Variants in HSPA8 observed in about 807,000 individuals in gnomAD.
HSPA8 encodes the protein heat shock cognate 71 kDa protein.
In HSPA8, 2 loss-of-function variants were observed where a neutral mutation model predicts 52.8. The ratio of observed to expected loss-of-function variants is 0.04; its 90% CI spans 0.02 to 0.12. The LOEUF is 0.12. HSPA8 is among the 10% of genes least tolerant of loss of function. HSPA8 has a pLI of 1.00. For synonymous variants in HSPA8, 436 were observed against 274.0 expected, an observed-to-expected ratio of 1.59 and a Z score of -5.84; for missense variants, 349 against 800.5, an observed-to-expected ratio of 0.44 and a Z score of 6.81.
At chr11:123,061,413 A>C in intron 1 of HSPA8, 84 bp from the exon 2 acceptor site, 1 of 1,067,450 alleles carries the variant, frequency 9.4e-7, no homozygotes, top group Non-Finnish European at 1.4e-6. Context: ...AACCAGGAAA[A>C]ACGTATGGCC....
intron 1 of HSPA8, 133 bp from the exon 2 acceptor site, chr11:123,061,462 A>G: frequency 1.4e-6 from 1 of 695,944 alleles, no homozygotes; most frequent in Non-Finnish European, 2.5e-6. Context: ...CTCCTGTCTA[A>G]GCACGCGCGA....
At chr11:123,060,290 C>CAG in intron 3 of HSPA8, 22 bp from the exon 4 acceptor site, 1 of 1,609,464 alleles carries the variant, frequency 6.2e-7, no homozygotes, top group Non-Finnish European at 8.5e-7. Context: ...GAAAAGACCA[C>CAG]AGATTGGTAA....
chr11:123,060,100 C>T lies in HSPA8; in HGVS notation c.564+16G>A, dbSNP rs1465085061. On this transcript the variant is annotated intron_variant, in intron 4 of 8. Coordinates refer to ENST00000534624, the MANE Select transcript of HSPA8 (RefSeq NM_006597.6). Reference sequence around the variant, plus strand: ...ATCTTAAAATAATCCGAACTTGCATCACAAATGGTACATACCTTTTTGTCT... The same window carrying T: ...ATCTTAAAATAATCCGAACTTGCATTACAAATGGTACATACCTTTTTGTCT... 1.2e-6 allele frequency: 2 copies of T among 1,614,090 alleles called. No individual in the cohort carries two copies. The highest frequency in any genetic ancestry group is 1.1e-5 in the South Asian group (1 of 91,074).
At chr11:123,061,081 CTGTTA>C (rs1392171377) in intron 2 of HSPA8, 34 bp downstream of exon 2, 16 of 1,554,830 alleles carry the variant, frequency 1.0e-5, no homozygotes, top group East Asian at 2.2e-5. Context: ...CTTCCTAGCC[CTGTTA>C]TATTTGTTCT....
In HSPA8 at chr11:123,058,235, A is replaced by AAAT. The variant is rs1865373463; in HGVS notation, c.1755+16_1755+17insATT. ...CCATTGAGTGGGGGAGGAAAAAAAA[A>AAAT]AAAAAAAAACACAAACCTGATTCTT... is the stretch of plus-strand genomic sequence containing the variant. On this transcript the variant is annotated intron_variant, in intron 8 of 8. Transcript: ENST00000534624. 3.4e-6 allele frequency: 5 copies of AAAT among 1,486,402 alleles called. No homozygotes were observed. In the East Asian group the frequency reaches 1.1e-4, roughly 34 times the overall value. The allele number at this position is 1,486,402 out of a possible 1,614,324, so 92.1% of individuals were successfully genotyped here.
In HSPA8 at chr11:123,059,672, A is replaced by G. The variant is rs143373443; in HGVS notation, c.921T>C (p.Ala307=). 3.3e-5 allele frequency: 53 copies of G among 1,614,148 alleles called. No individual in the cohort carries two copies. The African/African-American group carries it at 4.0e-4, about 12-fold the overall frequency. ...GGTCCAGGGTGCCACGGAACAGGTC[A>G]GCATTCAGTTCTTCAAATCGGGCAC... The part of the protein sequence containing the change: ...ITRARFEELN[A]DLFRGTLDPV... Residue 307 remains alanine, a synonymous_variant, in exon 5 of 9, where the codon GCT becomes GCC. Transcript: ENST00000534624.
chr11:123,060,544 G>T (rs761336426), intron 3 of HSPA8, 49 bp downstream of exon 3: 17 of 1,399,242 alleles, frequency 1.2e-5, no homozygotes, highest in Non-Finnish European at 1.6e-5. Flanking sequence ...GGAGTCATCG[G>T]GCTTTTAACT....
chr11:123,057,633 A>C lies in HSPA8; in HGVS notation c.*101T>G, dbSNP rs1239946182. Reference sequence around the variant, plus strand: ...TTGAGAATGCCCAGTAACTTACTATAGCAGCTTAACTTTTTAAAACTGCCA... The same window carrying C: ...TTGAGAATGCCCAGTAACTTACTATCGCAGCTTAACTTTTTAAAACTGCCA... On this transcript the variant is annotated 3_prime_UTR_variant, in exon 9 of 9. Coordinates refer to ENST00000534624, the MANE Select transcript of HSPA8 (RefSeq NM_006597.6). The C allele has an allele frequency of 3.5e-6, 3 of 853,290 alleles. No homozygotes were observed. The African/African-American group carries it at 5.1e-5, about 15-fold the overall frequency. The allele number at this position is 853,290 out of a possible 1,614,324, so 52.9% of individuals were successfully genotyped here. A position where few individuals can be genotyped will look rare whatever the true frequency, so the allele number is the denominator to read the frequency against.
chr11:123,057,779 G>GGGA lies in HSPA8; in HGVS notation c.1893_1895dup (p.Pro632dup). 1 of 1,613,678 alleles carries GGGA rather than the reference G, an allele frequency of 6.2e-7. No homozygotes were observed. Among genetic ancestry groups the GGGA allele is most frequent in the Middle Eastern group, 1.7e-4 (1 of 6,004 alleles). ...TGGGCCCTGAGGAAGCACCACCAGA[G>GGGA]GGAGGAGCTCCACCACCAGGAAATC... On this transcript the variant is annotated inframe_insertion, in exon 9 of 9. Transcript: ENST00000534624.
intron 6 of HSPA8, 76 bp from the exon 7 acceptor site, chr11:123,058,906 T>C: frequency 8.8e-6 from 13 of 1,475,922 alleles, no homozygotes; most frequent in Non-Finnish European, 1.2e-5. Flanking sequence ...TAAGGAAGAA[T>C]GGTCGCTCAA....
upstream of HSPA8, chr11:123,062,321 G>C (rs1345162652): frequency 6.6e-6 from 1 of 152,454 alleles, no homozygotes; most frequent in Non-Finnish European, 1.5e-5. Context: ...ACCCCACCGC[G>C]CTCCGCCTCA....
rs372007616 is a variant in HSPA8 at position 123,059,020 on chromosome 11, G to A, written c.1323+39C>T. On this transcript the variant is annotated intron_variant, in intron 6 of 8. Coordinates refer to ENST00000534624, the MANE Select transcript of HSPA8 (RefSeq NM_006597.6). The stretch of plus-strand genomic sequence containing the variant: ...AGTCAGTCAAGACTTCCCTTTATCT[G>A]TTATCAGTAAGCCAAACAAGAGAAG... The A allele has an allele frequency of 2.6e-6, 4 of 1,559,896 alleles. No homozygotes were observed. The African/African-American group carries it at 4.1e-5, about 16-fold the overall frequency.
chr11:123,061,928 T>C (rs75882958), intron 1 of HSPA8, 136 bp downstream of exon 1: 13,557 of 157,426 alleles, frequency 0.086, 1,283 homozygotes, highest in African/African-American at 0.23. Context: ...ACTGAGGCCC[T>C]TTAAGCCGGT....
At chr11:123,059,354 A>C (rs1865421440) in intron 5 of HSPA8, 93 bp from the exon 6 acceptor site, 2 of 1,366,532 alleles carry the variant, frequency 1.5e-6, no homozygotes, top group East Asian at 2.3e-5. Flanking sequence ...CATCCAAGGA[A>C]GGTGTTGCCA....
chr11:123,058,491 A>T lies in HSPA8; in HGVS notation c.1523-7T>A. 6.2e-7 allele frequency: 1 copy of T among 1,612,850 alleles called. No homozygotes were observed. The highest frequency in any genetic ancestry group is 8.5e-7 in the Non-Finnish European group (1 of 1,178,914). ...TCTTCCTTGCTCAAACGGCCTAGGA[A>T]AGAAATTAACTCTAAGTAAAAGCCT... On this transcript the variant is annotated splice_region_variant and splice_polypyrimidine_tract_variant and intron_variant, in intron 7 of 8. Transcript: ENST00000534624.
At chr11:123,060,828 C>G (rs748866176) in intron 2 of HSPA8, 30 bp from the exon 3 acceptor site, 3 of 1,561,188 alleles carry the variant, frequency 1.9e-6, no homozygotes, top group African/African-American at 2.7e-5. Flanking sequence ...AAAACACTTT[C>G]AATTTCATAG....
At chr11:123,061,364 T>C (rs1156510450) in intron 1 of HSPA8, 35 bp from the exon 2 acceptor site, 7 of 1,492,270 alleles carry the variant, frequency 4.7e-6, no homozygotes, top group African/African-American at 1.4e-5. Context: ...AAAAATTCAA[T>C]TAATCAAAAT....
Position 123,059,968 on chromosome 11 carries a change from T to C in HSPA8, c.625A>G (p.Ile209Val), listed in dbSNP as rs778283472. ...DLGGGTFDVS[I>V]LTIEDGIFEV... ...AAGATTCCATCCTCAATAGTGAGGA[T>C]TGACACATCAAAAGTGCCACCTCCC... The change falls in exon 5 of 9, where the codon ATC becomes GTC. Residue 209 changes from isoleucine to valine, a missense_variant. Ile to Val is a conservative substitution (Grantham distance 29). Coordinates refer to ENST00000534624, the MANE Select transcript of HSPA8 (RefSeq NM_006597.6). The C allele has an allele frequency of 3.8e-5, 62 of 1,614,002 alleles. No homozygotes were observed. Among genetic ancestry groups the C allele is most frequent in the Middle Eastern group, 1.6e-4 (1 of 6,080 alleles).
chr11:123,058,239 A>AC lies in HSPA8; in HGVS notation c.1755+12_1755+13insG, dbSNP rs1865374712. The stretch of plus-strand genomic sequence containing the variant: ...TGAGTGGGGGAGGAAAAAAAAAAAA[A>AC]AAAAACACAAACCTGATTCTTATCA... On this transcript the variant is annotated intron_variant, in intron 8 of 8. Transcript: ENST00000534624. The AC allele has an allele frequency of 2.0e-6, 3 of 1,513,294 alleles. No individual in the cohort carries two copies. Among genetic ancestry groups the AC allele is most frequent in the Non-Finnish European group, 2.7e-6 (3 of 1,104,730 alleles). 93.7% of individuals were successfully genotyped at this position (1,513,294 alleles called of 1,614,324 possible).
Sources: allele counts gnomAD v4.1 joint callset, GRCh38; gene constraint gnomAD v4.1.1; transcripts MANE v1.5; gene names NCBI Gene and HGNC (gene_info 2026-07-23, HGNC 2026-07-21).